The following MSRA variants were observed in gnomAD, a reference collection of about 807,000 sequenced individuals.
The protein encoded by MSRA is mitochondrial peptide methionine sulfoxide reductase.
In MSRA, 54 loss-of-function variants were observed where a neutral mutation model predicts 31.3. The observed-to-expected ratio is 1.73, with a 90% CI of 1.39 to 2.17. The LOEUF (loss-of-function observed/expected upper bound fraction) is 2.17, where lower values mean the gene tolerates loss of function less well. Among genes scored for constraint, MSRA ranks in the 30% most tolerant of loss-of-function variants. The pLI is 0.00. For missense variants in MSRA, 507 were observed against 300.9 expected, an observed-to-expected ratio of 1.69 and a Z score of -5.07; for synonymous variants, 169 against 116.5, an observed-to-expected ratio of 1.45 and a Z score of -2.90.
chr8:10,120,311 G>A (rs962151318), intron 1 of MSRA, among the ~76,000 whole-genome samples: 8 of 152,164 alleles, frequency 5.3e-5, no homozygotes, highest in Non-Finnish European at 1.0e-4. Flanking sequence ...AAATAGGAAG[G>A]ATATGGGATT....
chr8:10,362,651 C>T (rs1257400810), intron 5 of MSRA, among the ~76,000 whole-genome samples: 1 of 152,074 alleles, frequency 6.6e-6, no homozygotes, highest in Non-Finnish European at 1.5e-5. Flanking sequence ...GTTGTCCCTG[C>T]TCCCCCACCA....
intron 3 of MSRA, among the ~76,000 whole-genome samples, chr8:10,254,993 A>G (rs889009281): frequency 6.6e-6 from 1 of 152,220 alleles, no homozygotes; most frequent in East Asian, 1.9e-4. Context: ...ATTAGGCATT[A>G]CAATCTTTTC....
intron 3 of MSRA, chr8:10,250,868 A>G (rs2952216): frequency 0.13 from 22,795 of 170,198 alleles, 1,651 homozygotes; most frequent in East Asian, 0.24. Flanking sequence ...CATTGTGCAC[A>G]TATACCCTAA....
chr8:10,425,854 C>T (rs1322885683), intron 5 of MSRA, among the ~76,000 whole-genome samples: 2 of 152,242 alleles, frequency 1.3e-5, no homozygotes, highest in Non-Finnish European at 2.9e-5. Flanking sequence ...TATTTGGATA[C>T]AGCTGTAAGA....
chr8:10,254,392 C>T (rs181616893), intron 3 of MSRA, among the ~76,000 whole-genome samples: 1 of 152,270 alleles, frequency 6.6e-6, no homozygotes, highest in African/African-American at 2.4e-5. Flanking sequence ...GTTTTTTCCA[C>T]TCTGGTTTAT....
chr8:10,216,140 T>A (rs1231499440), intron 2 of MSRA, among the ~76,000 whole-genome samples: 1 of 152,218 alleles, frequency 6.6e-6, no homozygotes, highest in Admixed American at 6.5e-5. Context: ...TTTCTTGTTC[T>A]CATTCTCCCC....
chr8:10,081,048 T>C (rs1239240348), intron 1 of MSRA, among the ~76,000 whole-genome samples: 1 of 152,086 alleles, frequency 6.6e-6, no homozygotes, highest in Admixed American at 6.5e-5. Context: ...TGTCACAACA[T>C]GGATTAAAAT....
At chr8:10,273,173 A>T (rs1049472055) in intron 3 of MSRA, among the ~76,000 whole-genome samples, 1 of 152,224 alleles carries the variant, frequency 6.6e-6, no homozygotes, top group East Asian at 1.9e-4. Flanking sequence ...AGTCTAAGTT[A>T]TAGTGAGTTG....
chr8:10,372,210 T>G (rs934593967), intron 5 of MSRA, among the ~76,000 whole-genome samples: 4 of 152,140 alleles, frequency 2.6e-5, no homozygotes, highest in Non-Finnish European at 5.9e-5. Flanking sequence ...ATGCTGGGTG[T>G]CATTGGCCCT....
intron 5 of MSRA, among the ~76,000 whole-genome samples, chr8:10,359,894 T>C (rs2129164464): frequency 6.6e-6 from 1 of 152,334 alleles, no homozygotes; most frequent in Middle Eastern, 3.4e-3. Flanking sequence ...CCATCTTCTG[T>C]TGCATCCCAC....
At chr8:10,184,897 G>C (rs1268119813) in intron 1 of MSRA, among the ~76,000 whole-genome samples, 2 of 152,202 alleles carry the variant, frequency 1.3e-5, no homozygotes, top group African/African-American at 4.8e-5. Context: ...CACTTGACCT[G>C]TGAAAGGAAA....
At position 10,216,587 on chromosome 8, in the gene MSRA, C is replaced by G. The variant is rs144247927; in HGVS notation, c.211+8686C>G. Reference sequence around the variant, plus strand: ...CTAAACACCGTCTAGTCCTCCTTCCCCCAGCCCCTGGTAACCTCTATTCTA... The same window carrying G: ...CTAAACACCGTCTAGTCCTCCTTCCGCCAGCCCCTGGTAACCTCTATTCTA... On this transcript the variant is annotated intron_variant, in intron 2 of 5. Transcript: ENST00000317173. Among the ~76,000 whole-genome samples the G allele has an allele frequency of 1.7e-3, 264 of 152,320 alleles. 1 individual carries two copies. The highest frequency in any genetic ancestry group is 6.2e-3 in the African/African-American group (258 of 41,560).
intron 5 of MSRA, among the ~76,000 whole-genome samples, chr8:10,330,500 A>G (rs1802632812): frequency 6.6e-6 from 1 of 152,148 alleles, no homozygotes; most frequent in Non-Finnish European, 1.5e-5. Context: ...TTCCTCAGTA[A>G]ATTAATTACC....
chr8:10,378,806 A>T (rs908798321), intron 5 of MSRA, among the ~76,000 whole-genome samples: 3 of 152,214 alleles, frequency 2.0e-5, no homozygotes, highest in African/African-American at 7.2e-5. Flanking sequence ...AATCCCTGCA[A>T]GTGTTCTGAG....
intron 3 of MSRA, among the ~76,000 whole-genome samples, chr8:10,274,703 G>A (rs529229417): frequency 1.4e-4 from 22 of 151,788 alleles, no homozygotes; most frequent in Admixed American, 9.2e-4. Context: ...CTACTCATCC[G>A]CCCATTTATC....
chr8:10,418,592 C>T (rs1808618742), intron 5 of MSRA, among the ~76,000 whole-genome samples: 1 of 152,004 alleles, frequency 6.6e-6, no homozygotes, highest in Non-Finnish European at 1.5e-5. Context: ...GTGTCCAAAG[C>T]ATTCACTGGA....
intron 5 of MSRA, among the ~76,000 whole-genome samples, chr8:10,423,753 A>T (rs1808956246): frequency 6.6e-6 from 1 of 152,206 alleles, no homozygotes; most frequent in Admixed American, 6.5e-5. Context: ...TGACACGGAA[A>T]GTGGCTGCCT....
chr8:10,281,270 C>A (rs1051043608), intron 3 of MSRA, among the ~76,000 whole-genome samples: 1 of 152,220 alleles, frequency 6.6e-6, no homozygotes, highest in Admixed American at 6.5e-5. Flanking sequence ...TGTGCTGATT[C>A]TTACTCTCTC....
intron 1 of MSRA, among the ~76,000 whole-genome samples, chr8:10,084,144 T>C (rs1798429849): frequency 6.6e-6 from 1 of 152,272 alleles, no homozygotes; most frequent in South Asian, 2.1e-4. Context: ...ATGCTGGTTA[T>C]GGAGTACTCT....
Sources: gnomAD v4.1 joint callset for allele counts (sites outside exome capture counted in the v4.1 genomes callset) on GRCh38, gnomAD v4.1.1 for gene constraint, MANE v1.5 for transcripts, NCBI Gene and HGNC (gene_info 2026-07-23, HGNC 2026-07-21) for gene names.